TXLNB: variants seen among roughly 807,000 people sequenced by gnomAD.
The protein encoded by TXLNB is beta-taxilin.
TXLNB carries 37 observed loss-of-function variants against 57.4 expected under a neutral mutation model. The ratio of observed to expected loss-of-function variants is 0.64; its 90% CI spans 0.50 to 0.85. The LOEUF (loss-of-function observed/expected upper bound fraction) is 0.85, where lower values mean the gene tolerates loss of function less well. Ranked by LOEUF, TXLNB falls within the 40% of genes least tolerant of loss-of-function variation. The probability of loss-of-function intolerance (pLI) is 0.00; values close to 1 mark genes in which losing one functional copy is unlikely to be tolerated. For missense variants in TXLNB, 848 were observed against 825.6 expected (o/e 1.03, Z -0.33); for synonymous variants, 302 against 309.6 (o/e 0.98, Z 0.26).
At chr6:139,221,357 C>T in the TXLNB span, among the ~76,000 whole-genome samples, 5 of 152,140 alleles carry the variant, frequency 3.3e-5, no homozygotes, top group Admixed American at 2.6e-4. Flanking sequence ...TTCAAATCAC[C>T]TCAGTTTATG....
the TXLNB span, among the ~76,000 whole-genome samples, chr6:139,304,525 C>T: frequency 2.6e-5 from 4 of 152,274 alleles, no homozygotes; most frequent in African/African-American, 7.2e-5. Flanking sequence ...CAAGAGGTGA[C>T]GAGCAAGGTT....
chr6:139,171,388 C>T, the TXLNB span, among the ~76,000 whole-genome samples: 1 of 152,146 alleles, frequency 6.6e-6, no homozygotes, highest in Non-Finnish European at 1.5e-5. Context: ...ATAATGCGCA[C>T]ATTAGATGTG....
At chr6:139,322,180 G>T in the TXLNB span, among the ~76,000 whole-genome samples, 3 of 152,094 alleles carry the variant, frequency 2.0e-5, no homozygotes, top group East Asian at 5.8e-4. Context: ...TCACTGCTGG[G>T]TTGCACTGCT....
chr6:139,254,368 G>A (rs1267442657), intron 7 of TXLNB, among the ~76,000 whole-genome samples: 1 of 151,580 alleles, frequency 6.6e-6, no homozygotes, highest in Non-Finnish European at 1.5e-5. Flanking sequence ...TCAGCTGTCA[G>A]CATATAAACA....
At chr6:139,167,376 A>G in the TXLNB span, 36 of 1,371,814 alleles carry the variant, frequency 2.6e-5, no homozygotes, top group African/African-American at 4.4e-4. Flanking sequence ...AAACCAAACA[A>G]CAAACAAGAC....
the TXLNB span, among the ~76,000 whole-genome samples, chr6:139,193,260 T>TA: frequency 1.3e-5 from 2 of 148,490 alleles, no homozygotes; most frequent in African/African-American, 5.0e-5. Flanking sequence ...TTTTTTTTTT[T>TA]ATCATTGTCT....
In TXLNB at chr6:139,241,354, G is replaced by C. The variant is rs1460678050; in HGVS notation, c.*1172C>G. 1.3e-5 allele frequency: 2 copies of C among 152,192 alleles called. No homozygotes were observed. The highest frequency in any genetic ancestry group is 2.9e-5 in the Non-Finnish European group (2 of 68,046). 9.4% of individuals were successfully genotyped at this position (152,192 alleles called of 1,614,324 possible). On this transcript the variant is annotated 3_prime_UTR_variant, in exon 10 of 10. Transcript: ENST00000358430. ...TTAGCATTAATTGAGATGAGGGCTGGGTGTAATTTCCTGCTACAAAGGAGA... is the reference window on the plus strand; with the variant it reads ...TTAGCATTAATTGAGATGAGGGCTGCGTGTAATTTCCTGCTACAAAGGAGA...
intron 1 of TXLNB, among the ~76,000 whole-genome samples, chr6:139,289,250 T>A (rs1213591621): frequency 2.0e-5 from 3 of 152,184 alleles, no homozygotes; most frequent in Non-Finnish European, 4.4e-5. Flanking sequence ...TTACAGACAT[T>A]GTATAGAAAA....
the TXLNB span, chr6:139,174,336 A>T: frequency 1.3e-6 from 2 of 1,563,076 alleles, no homozygotes; most frequent in South Asian, 1.2e-5. Flanking sequence ...TGGAGATGAA[A>T]TGTGATTTCC....
At chr6:139,194,098 C>T in the TXLNB span, among the ~76,000 whole-genome samples, 1 of 151,906 alleles carries the variant, frequency 6.6e-6, no homozygotes, top group South Asian at 2.1e-4. Flanking sequence ...GCCTCGGCCT[C>T]CCAAAGTGTA....
At chr6:139,184,972 A>C in the TXLNB span, among the ~76,000 whole-genome samples, 1 of 151,936 alleles carries the variant, frequency 6.6e-6, no homozygotes, top group Non-Finnish European at 1.5e-5. Context: ...CATTGGTTGA[A>C]TAAGCGCTTT....
At chr6:139,303,288 A>T in the TXLNB span, among the ~76,000 whole-genome samples, 1 of 152,196 alleles carries the variant, frequency 6.6e-6, no homozygotes, top group Non-Finnish European at 1.5e-5. Flanking sequence ...TCTCTCCTTG[A>T]TCTACTTGCA....
the TXLNB span, chr6:139,177,246 G>A: frequency 1.7e-6 from 1 of 577,890 alleles, no homozygotes; most frequent in Non-Finnish European, 3.0e-6. The surrounding 1 kb of genome is among the most constrained non-coding windows in gnomAD (Gnocchi z 4.9). Flanking sequence ...CACTAAAATA[G>A]GGGCTGCCCT....
chr6:139,278,468 G>A (rs757131536), intron 2 of TXLNB, among the ~76,000 whole-genome samples: 3 of 152,146 alleles, frequency 2.0e-5, no homozygotes, highest in Non-Finnish European at 4.4e-5. Context: ...AATCACTGAC[G>A]CCTCGCCCCT....
chr6:139,300,236 T>A, the TXLNB span, among the ~76,000 whole-genome samples: 5 of 152,192 alleles, frequency 3.3e-5, no homozygotes, highest in Non-Finnish European at 5.9e-5. Flanking sequence ...TGGACACTCC[T>A]CTCCTTCCTT....
At chr6:139,213,164 C>T in the TXLNB span, among the ~76,000 whole-genome samples, 1 of 152,200 alleles carries the variant, frequency 6.6e-6, no homozygotes, top group Non-Finnish European at 1.5e-5. Flanking sequence ...CCCAAATCAA[C>T]AGAATATACA....
intron 8 of TXLNB, among the ~76,000 whole-genome samples, chr6:139,246,721 C>A (rs553303090): frequency 7.2e-5 from 11 of 152,038 alleles, no homozygotes; most frequent in Non-Finnish European, 1.2e-4. Flanking sequence ...TCGAGACCAG[C>A]CTGACCAACA....
chr6:139,214,138 A>G, the TXLNB span, among the ~76,000 whole-genome samples: 3 of 152,224 alleles, frequency 2.0e-5, no homozygotes, highest in African/African-American at 7.2e-5. Context: ...TGAGGCCAGC[A>G]TCATCCTGAT....
the TXLNB span, among the ~76,000 whole-genome samples, chr6:139,308,742 C>A: frequency 6.6e-6 from 1 of 152,062 alleles, no homozygotes; most frequent in Non-Finnish European, 1.5e-5. Context: ...GGGTCATTTC[C>A]CTTTGAGGGG....
Sources: allele counts gnomAD v4.1 joint callset (sites outside exome capture counted in the v4.1 genomes callset), GRCh38; gene constraint gnomAD v4.1.1; non-coding constraint Gnocchi (gnomAD v3.1); transcripts MANE v1.5; gene names NCBI Gene and HGNC (gene_info 2026-07-23, HGNC 2026-07-21).